The following EHBP1 variants were observed in gnomAD, a reference collection of about 807,000 sequenced individuals.
EHBP1 encodes the protein EH domain binding protein 1.
Under a neutral mutation model 144.0 loss-of-function variants are expected in EHBP1, and 55 were observed. The observed-to-expected ratio is 0.38, with a 90% CI of 0.31 to 0.48. EHBP1 has a LOEUF of 0.48. EHBP1 is among the 20% of genes least tolerant of loss of function. The pLI is 0.98. For missense variants in EHBP1, 1,200 were observed against 1,364.2 expected (o/e 0.88, Z 1.90); for synonymous variants, 469 against 472.7 (o/e 0.99, Z 0.10).
rs180911762 is a variant in EHBP1, at chr2:62,818,576, A to T, written c.313-7511A>T. ...ACGTATCCCTGTCATTAAAGGATGC[A>T]TGACTGTATAGCCTTAACTGCTTAT... On this transcript the variant is annotated intron_variant, in intron 5 of 22. Coordinates refer to ENST00000431489, the MANE Select transcript of EHBP1 (RefSeq NM_001142616.3). 1.8e-3 allele frequency among the ~76,000 whole-genome samples: 274 copies of T among 152,270 alleles called. 2 individuals are homozygous for T. Among genetic ancestry groups the T allele is most frequent in the African/African-American group, 6.2e-3 (258 of 41,572 alleles).
chr2:62,883,856 AG>A (rs2051687235), intron 10 of EHBP1, among the ~76,000 whole-genome samples: 1 of 152,176 alleles, frequency 6.6e-6, no homozygotes, highest in African/African-American at 2.4e-5. Context: ...CTGTATTCCC[AG>A]TTACTTGGGA....
intron 10 of EHBP1, among the ~76,000 whole-genome samples, chr2:62,909,101 A>G (rs1217630938): frequency 6.6e-6 from 1 of 152,180 alleles, no homozygotes; most frequent in Non-Finnish European, 1.5e-5. Context: ...TAGGCGTGCA[A>G]GTACCGTTTT....
In EHBP1 at chr2:62,759,341, T is replaced by G. The variant is rs116271748; in HGVS notation, c.163-4925T>G. Among the ~76,000 whole-genome samples the G allele has an allele frequency of 7.7e-3, 1,166 of 152,330 alleles. 17 individuals carry two copies. The highest frequency in any genetic ancestry group is 0.027 in the African/African-American group (1,135 of 41,562). On this transcript the variant is annotated intron_variant, in intron 3 of 22. Transcript: ENST00000431489. ...CTACTTATTTTATAGGGAAATCCTT[T>G]CTATTACTCAGAATGAAAAATGATC...
intron 19 of EHBP1, among the ~76,000 whole-genome samples, chr2:63,020,253 G>A (rs1449162769): frequency 6.6e-6 from 1 of 151,128 alleles, no homozygotes; most frequent in Non-Finnish European, 1.5e-5. Context: ...GAACCTGGGT[G>A]GTGGAGGTTG....
At chr2:62,827,902 C>G (rs2046459698) in intron 6 of EHBP1, among the ~76,000 whole-genome samples, 1 of 152,292 alleles carries the variant, frequency 6.6e-6, no homozygotes, top group Non-Finnish European at 1.5e-5. Flanking sequence ...CTATTGACCT[C>G]AAGTGATCCG....
intron 5 of EHBP1, among the ~76,000 whole-genome samples, chr2:62,814,625 C>G (rs1558718791): frequency 6.6e-6 from 1 of 152,180 alleles, no homozygotes; most frequent in African/African-American, 2.4e-5. Context: ...GACTGAGACT[C>G]TAGAAGGGTA....
At chr2:62,688,687 CTT>C (rs566623996) in intron 1 of EHBP1, among the ~76,000 whole-genome samples, 4 of 147,206 alleles carry the variant, frequency 2.7e-5, no homozygotes, top group Non-Finnish European at 6.0e-5. Flanking sequence ...ATGAGATCAA[CTT>C]TTTTTTTTTA....
intron 2 of EHBP1, among the ~76,000 whole-genome samples, chr2:62,720,731 C>A (rs1399306784): frequency 2.6e-5 from 4 of 152,092 alleles, no homozygotes; most frequent in Non-Finnish European, 5.9e-5. Flanking sequence ...TAGTACAGAG[C>A]AGGGGTGTCC....
At chr2:62,877,485 C>G (rs1483445511) in intron 10 of EHBP1, among the ~76,000 whole-genome samples, 2 of 152,144 alleles carry the variant, frequency 1.3e-5, no homozygotes, top group Non-Finnish European at 2.9e-5. Flanking sequence ...AAACTTGTCA[C>G]TTGACTAAAT....
At chr2:63,042,166 G>C (rs2061686259) in intron 21 of EHBP1, among the ~76,000 whole-genome samples, 1 of 152,046 alleles carries the variant, frequency 6.6e-6, no homozygotes, top group African/African-American at 2.4e-5. Context: ...CCACATTGTA[G>C]TTTGTCCAAG....
intron 5 of EHBP1, among the ~76,000 whole-genome samples, chr2:62,802,695 G>C (rs1186524461): frequency 7.7e-6 from 1 of 130,544 alleles, no homozygotes; most frequent in Non-Finnish European, 1.7e-5. Flanking sequence ...TTAGGTTTCT[G>C]TTTTGTTCTT....
At chr2:62,835,782 A>T (rs2047180756) in intron 7 of EHBP1, among the ~76,000 whole-genome samples, 1 of 152,196 alleles carries the variant, frequency 6.6e-6, no homozygotes, top group South Asian at 2.1e-4. Context: ...CGCTTTTCAG[A>T]CCGGCTTAAA....
intron 10 of EHBP1, among the ~76,000 whole-genome samples, chr2:62,926,996 T>C (rs371336535): frequency 3.3e-5 from 5 of 152,322 alleles, no homozygotes; most frequent in South Asian, 4.1e-4. Flanking sequence ...CGTCATGGAA[T>C]ACTATTTAGC....
chr2:62,878,271 A>G (rs914874899), intron 10 of EHBP1, among the ~76,000 whole-genome samples: 9 of 152,186 alleles, frequency 5.9e-5, no homozygotes, highest in Admixed American at 6.5e-5. Context: ...CCAGGAAGAA[A>G]TTGAAACCCT....
intron 7 of EHBP1, among the ~76,000 whole-genome samples, chr2:62,843,307 G>T (rs376728062): frequency 8.0e-4 from 122 of 152,224 alleles, no homozygotes; most frequent in Middle Eastern, 3.4e-3. Context: ...TCCATTTGAC[G>T]TTTAATCACA....
chr2:62,871,102 T>C (rs1445405659), intron 9 of EHBP1, among the ~76,000 whole-genome samples: 2 of 152,212 alleles, frequency 1.3e-5, no homozygotes, highest in African/African-American at 4.8e-5. Flanking sequence ...ATAAAATTTC[T>C]CATGGGTGGT....
At chr2:62,752,585 A>C (rs1487274530) in intron 3 of EHBP1, among the ~76,000 whole-genome samples, 1 of 152,092 alleles carries the variant, frequency 6.6e-6, no homozygotes, top group Non-Finnish European at 1.5e-5. Flanking sequence ...GGGGTGTTGA[A>C]GTCTCCCATT....
intron 15 of EHBP1, among the ~76,000 whole-genome samples, chr2:62,989,752 A>C (rs1352638624): frequency 6.6e-6 from 1 of 152,150 alleles, no homozygotes; most frequent in Non-Finnish European, 1.5e-5. Context: ...AGCCCTTAGA[A>C]TATATTATGA....
At position 62,801,948 on chromosome 2, in the gene EHBP1, C is replaced by A. The variant is rs188027635; in HGVS notation, c.313-24139C>A. Among the ~76,000 whole-genome samples the A allele has an allele frequency of 3.9e-5, 6 of 152,300 alleles. No homozygotes were observed. In the East Asian group the frequency reaches 9.6e-4, roughly 24 times the overall value. ...GAGAATGTTAAATCGAAAGTGAAATCTAGGACTCTGCCTTTTAACAAATAT... is the reference window on the plus strand; with the variant it reads ...GAGAATGTTAAATCGAAAGTGAAATATAGGACTCTGCCTTTTAACAAATAT... On this transcript the variant is annotated intron_variant, in intron 5 of 22. Coordinates refer to ENST00000431489, the MANE Select transcript of EHBP1 (RefSeq NM_001142616.3).
Sources: allele counts gnomAD v4.1 joint callset (sites outside exome capture counted in the v4.1 genomes callset), GRCh38; gene constraint gnomAD v4.1.1; transcripts MANE v1.5; gene names NCBI Gene and HGNC (gene_info 2026-07-23, HGNC 2026-07-21).